PRDM15: variants seen among roughly 807,000 people sequenced by gnomAD.
PRDM15 encodes the protein PR/SET domain 15.
PRDM15 carries 64 observed loss-of-function variants against 128.6 expected under a neutral mutation model. The observed-to-expected ratio is 0.50, with a 90% CI of 0.41 to 0.61. The LOEUF (loss-of-function observed/expected upper bound fraction) is 0.61, where lower values mean the gene tolerates loss of function less well. PRDM15 is among the 20% of genes least tolerant of loss of function. The pLI, the probability that PRDM15 is intolerant of heterozygous loss-of-function variation, is 0.00. For missense variants in PRDM15, 1,242 were observed against 1,569.1 expected, an observed-to-expected ratio of 0.79 and a Z score of 3.52; for synonymous variants, 615 against 621.8, an observed-to-expected ratio of 0.99 and a Z score of 0.16.
chr21:41,859,345 G>C lies in PRDM15; in HGVS notation c.131+247C>G, dbSNP rs2063740152. ...GCCTCCACACACTGTGTCGGGAACA[G>C]CTGGGCTCCAGCTAAGAACCCTGGA... On this transcript the variant is annotated intron_variant, in intron 3 of 23. Coordinates refer to ENST00000398548, the MANE Select transcript of PRDM15 (RefSeq NM_001040424.3). The surrounding 1 kb of genome is among the most constrained non-coding windows in gnomAD (Gnocchi z 5.3). 4 of 976,812 alleles carry C rather than the reference G, an allele frequency of 4.1e-6. No individual in the cohort carries two copies. Among genetic ancestry groups the C allele is most frequent in the Non-Finnish European group, 6.2e-6 (4 of 648,486 alleles). 60.5% of individuals were successfully genotyped at this position (976,812 alleles called of 1,614,324 possible).
chr21:41,822,678 G>C (rs1005254063), intron 14 of PRDM15, among the ~76,000 whole-genome samples: 1 of 152,204 alleles, frequency 6.6e-6, no homozygotes, highest in African/African-American at 2.4e-5. Flanking sequence ...AACTCACCAG[G>C]AAATGGTATC....
chr21:41,836,790 C>T lies in PRDM15; in HGVS notation c.1002-141G>A, dbSNP rs576920253. 3.1e-5 allele frequency: 20 copies of T among 636,244 alleles called. 1 individual carries two copies. Among genetic ancestry groups the T allele is most frequent in the African/African-American group, 9.1e-5 (5 of 54,808 alleles). The allele number at this position is 636,244 out of a possible 1,614,324, so 39.4% of individuals were successfully genotyped here. A position where few individuals can be genotyped will look rare whatever the true frequency, so the allele number is the denominator to read the frequency against. ...CGAGAAAGGAGGGAATGCGCCCGGGCGTCACTCCCAGCTTCCAGGGCATCT... is the reference window on the plus strand; with the variant it reads ...CGAGAAAGGAGGGAATGCGCCCGGGTGTCACTCCCAGCTTCCAGGGCATCT... On this transcript the variant is annotated intron_variant, in intron 8 of 23. Coordinates refer to ENST00000398548, the MANE Select transcript of PRDM15 (RefSeq NM_001040424.3).
chr21:41,859,155 C>G lies in PRDM15; in HGVS notation c.131+437G>C, dbSNP rs753312250. On this transcript the variant is annotated intron_variant, in intron 3 of 23. Transcript: ENST00000398548. This position sits in a 1 kb window ranked among gnomAD's most constrained non-coding sequence, Gnocchi z 5.3. ...GCTTCTGGAAGCTGCTGTGGGTCAG[C>G]CCTGTCCCTGTCCTCATAACCCCGC... The G allele has an allele frequency of 6.2e-7, 1 of 1,613,778 alleles. No individual in the cohort carries two copies. The highest frequency in any genetic ancestry group is 8.5e-7 in the Non-Finnish European group (1 of 1,179,978).
rs1226183964 is a variant in PRDM15, at chr21:41,862,788, T to C, written c.-9-2416A>G. ...CCTTCATAGAAGGGGAAGTGTGGTC[T>C]CCAGACCTCTAAGGCACACAAGACA... On this transcript the variant is annotated intron_variant, in intron 1 of 23. Coordinates refer to ENST00000398548, the MANE Select transcript of PRDM15 (RefSeq NM_001040424.3). This position sits in a 1 kb window ranked among gnomAD's most constrained non-coding sequence, Gnocchi z 4.1. 6.6e-6 allele frequency among the ~76,000 whole-genome samples: 1 copy of C among 152,048 alleles called. No homozygotes were observed. The highest frequency in any genetic ancestry group is 2.4e-5 in the African/African-American group (1 of 41,376).
Position 41,821,095 on chromosome 21 carries a change from C to A in PRDM15, c.2032G>T (p.Glu678Ter). The A allele has an allele frequency of 6.2e-7, 1 of 1,614,254 alleles. No homozygotes were observed. The highest frequency in any genetic ancestry group is 8.5e-7 in the Non-Finnish European group (1 of 1,180,038). Reference protein sequence around the residue: ...TYHAHMVIHRENLPDPNVQKY... With the variant: ...TYHAHMVIHR ...TGCACGTTGGGGTCCGGCAGGTTTT[C>A]ACGGTGGATGACCATGTGGGCGTGG... Residue 678 changes from glutamate (E) to a stop codon, truncating the protein, a stop_gained, in exon 16 of 24, where the codon GAA becomes TAA. Coordinates refer to ENST00000398548, the MANE Select transcript of PRDM15 (RefSeq NM_001040424.3). LOFTEE classifies it high-confidence loss of function. The surrounding 1 kb of genome is among the most constrained non-coding windows in gnomAD (Gnocchi z 5.4).
chr21:41,836,295 G>A (rs1185294301), intron 9 of PRDM15, 88 bp from the exon 10 acceptor site: 18 of 1,351,564 alleles, frequency 1.3e-5, no homozygotes, highest in South Asian at 8.9e-5. Flanking sequence ...CCCACAAGCC[G>A]CCTCGCTCCC....
In PRDM15 at chr21:41,871,520, A is replaced by T. The variant is rs774415990; in HGVS notation, c.-10+7750T>A. 3.1e-6 allele frequency: 5 copies of T among 1,608,162 alleles called. No homozygotes were observed. The South Asian group carries it at 5.5e-5, about 18-fold the overall frequency. ...AGGAGGTAGGGCAGGATTGCGTCGC[A>T]GGCCTGCACTCGCAGGGCTCAGTGG... On this transcript the variant is annotated intron_variant, in intron 1 of 23. Coordinates refer to ENST00000398548, the MANE Select transcript of PRDM15 (RefSeq NM_001040424.3).
At chr21:41,823,229 A>G (rs28545527) in intron 14 of PRDM15, 89 bp downstream of exon 14, 1,037,699 of 1,519,254 alleles carry the variant, frequency 0.68, 356,753 homozygotes, top group Admixed American at 0.74. Flanking sequence ...TGCCCTGCCC[A>G]CAGAACTCTG....
intron 21 of PRDM15, among the ~76,000 whole-genome samples, chr21:41,808,302 G>A (rs28392762): frequency 1 from 152,297 of 152,298 alleles, 76,148 homozygotes; most frequent in Middle Eastern, 1. Flanking sequence ...TGAGAAGGGA[G>A]GCAATGGAGC....
Position 41,828,773 on chromosome 21 carries a change from T to C in PRDM15, c.1367-440A>G, listed in dbSNP as rs111790069. Among the ~76,000 whole-genome samples, 3,423 of 151,964 alleles carry C rather than the reference T, an allele frequency of 0.023. 119 individuals are homozygous for C. The highest frequency in any genetic ancestry group is 0.078 in the African/African-American group (3,231 of 41,378). ...CCCGAGCAACTGACCACCCGACCAA[T>C]GTGGCCGCCCCTGCCCCCAGGATCC... On this transcript the variant is annotated intron_variant, in intron 11 of 23. Coordinates refer to ENST00000398548, the MANE Select transcript of PRDM15 (RefSeq NM_001040424.3). This position sits in a 1 kb window ranked among gnomAD's most constrained non-coding sequence, Gnocchi z 5.7.
intron 18 of PRDM15, 99 bp downstream of exon 18, chr21:41,819,483 C>CA: frequency 4.2e-6 from 5 of 1,180,510 alleles, no homozygotes; most frequent in Non-Finnish European, 5.8e-6. Context: ...CCACACCCAC[C>CA]TTCCCCACAC....
At chr21:41,819,892 A>T (rs2146371020) in intron 17 of PRDM15, 191 bp from the exon 18 acceptor site, 1 of 801,152 alleles carries the variant, frequency 1.2e-6, no homozygotes, top group South Asian at 1.7e-5. Flanking sequence ...ATCCCTGAGG[A>T]CCTGGAGGGG....
chr21:41,871,169 C>T (rs2064194343), intron 1 of PRDM15, among the ~76,000 whole-genome samples: 1 of 152,208 alleles, frequency 6.6e-6, no homozygotes, highest in African/African-American at 2.4e-5. Flanking sequence ...AGCAACCACT[C>T]CTCACTGCCT....
Position 41,810,898 on chromosome 21 carries a change from C to G in PRDM15, c.2393-62G>C. 6.9e-7 allele frequency: 1 copy of G among 1,458,774 alleles called. No homozygotes were observed. The highest frequency in any genetic ancestry group is 9.6e-7 in the Non-Finnish European group (1 of 1,039,298). The allele number at this position is 1,458,774 out of a possible 1,614,324, so 90.4% of individuals were successfully genotyped here. ...TGAGTGTTGTAAGTCCACATCAGGG[C>G]ATGTCTTCTCCCTGACACGTTCCAG... On this transcript the variant is annotated intron_variant, in intron 19 of 23. Transcript: ENST00000398548. The surrounding 1 kb of genome is among the most constrained non-coding windows in gnomAD (Gnocchi z 6.4).
chr21:41,872,529 T>G (rs1378531089), intron 1 of PRDM15, among the ~76,000 whole-genome samples: 1 of 152,256 alleles, frequency 6.6e-6, no homozygotes, highest in Admixed American at 6.5e-5. Flanking sequence ...GCTTAGGCCT[T>G]ATTTTTTACA....
At chr21:41,869,903 C>T (rs1298214382) in intron 1 of PRDM15, among the ~76,000 whole-genome samples, 4 of 152,224 alleles carry the variant, frequency 2.6e-5, no homozygotes, top group Non-Finnish European at 1.5e-5. Flanking sequence ...CTGTCAAAGC[C>T]GGATGCCCAC....
intron 5 of PRDM15, among the ~76,000 whole-genome samples, chr21:41,852,624 C>G (rs892161442): frequency 6.6e-6 from 1 of 152,258 alleles, no homozygotes; most frequent in African/African-American, 2.4e-5. Context: ...TCTTTCTCTG[C>G]GAAGGGTGCG....
At chr21:41,829,211 G>T (rs1038018090) in intron 11 of PRDM15, among the ~76,000 whole-genome samples, 1 of 109,304 alleles carries the variant, frequency 9.1e-6, no homozygotes, top group Non-Finnish European at 1.8e-5. Flanking sequence ...ACACATACAT[G>T]TCACACACAC....
At chr21:41,871,410 C>G in intron 1 of PRDM15, 2 of 1,271,826 alleles carry the variant, frequency 1.6e-6, no homozygotes, top group East Asian at 6.1e-5. Context: ...CACTGTCCCT[C>G]TTAAGCAGCA....
Sources: gnomAD v4.1 joint callset for allele counts (sites outside exome capture counted in the v4.1 genomes callset) on GRCh38, gnomAD v4.1.1 for gene constraint, Gnocchi (gnomAD v3.1) non-coding constraint, MANE v1.5 for transcripts, NCBI Gene and HGNC (gene_info 2026-07-23, HGNC 2026-07-21) for gene names.